Variants in PHLDB2 observed in about 807,000 individuals in gnomAD.
The protein encoded by PHLDB2 is pleckstrin homology like domain family B member 2.
In PHLDB2, 71 loss-of-function variants were observed where a neutral mutation model predicts 123.6. The ratio of observed to expected loss-of-function variants is 0.57; its 90% CI spans 0.47 to 0.70. PHLDB2 has a LOEUF of 0.70. PHLDB2 is among the 30% of genes least tolerant of loss of function. The probability of loss-of-function intolerance (pLI) is 0.00; values close to 1 mark genes in which losing one functional copy is unlikely to be tolerated. For missense variants in PHLDB2, 1,446 were observed against 1,519.5 expected, an observed-to-expected ratio of 0.95 and a Z score of 0.80; for synonymous variants, 547 against 541.6, an observed-to-expected ratio of 1.01 and a Z score of -0.14.
At chr3:111,795,625 C>T (rs150700775) in intron 1 of PHLDB2, among the ~76,000 whole-genome samples, 36 of 152,374 alleles carry the variant, frequency 2.4e-4, no homozygotes, top group African/African-American at 8.4e-4. Flanking sequence ...TTCCCACCCA[C>T]ACTGCCTCCT....
At chr3:111,945,540 T>A (rs1577156237) in intron 9 of PHLDB2, 183 bp downstream of exon 9, 4 of 618,616 alleles carry the variant, frequency 6.5e-6, no homozygotes, top group Non-Finnish European at 5.7e-6. Context: ...ATTATCCTTG[T>A]GTCTAATGCA....
intron 1 of PHLDB2, among the ~76,000 whole-genome samples, chr3:111,870,728 T>G (rs989481700): frequency 2.6e-5 from 4 of 152,178 alleles, no homozygotes; most frequent in Admixed American, 2.6e-4. Flanking sequence ...CTGTAAAGAA[T>G]GGCACTGCTT....
intron 1 of PHLDB2, among the ~76,000 whole-genome samples, chr3:111,821,268 G>A (rs906476637): frequency 1.4e-4 from 21 of 152,210 alleles, no homozygotes; most frequent in South Asian, 2.1e-4. Flanking sequence ...AAGACACTGC[G>A]CCAGAGAGCC....
chr3:111,846,485 T>C (rs894676282), intron 2 of PHLDB2: 2 of 152,808 alleles, frequency 1.3e-5, no homozygotes, highest in African/African-American at 4.8e-5. Flanking sequence ...CCTCAGATGA[T>C]CAAGTAACCA....
chr3:111,844,480 AT>A (rs2063850290), intron 1 of PHLDB2, among the ~76,000 whole-genome samples: 1 of 152,162 alleles, frequency 6.6e-6, no homozygotes, highest in African/African-American at 2.4e-5. Flanking sequence ...ACCTTCTAGA[AT>A]CAATAAATCA....
At chr3:111,926,149 G>A (rs929619335) in intron 5 of PHLDB2, among the ~76,000 whole-genome samples, 1 of 152,302 alleles carries the variant, frequency 6.6e-6, no homozygotes, top group East Asian at 1.9e-4. Flanking sequence ...TTGAACTGAA[G>A]CTTAAATCAT....
chr3:111,761,780 C>A (rs781749741), intron 1 of PHLDB2, among the ~76,000 whole-genome samples: 1 of 152,118 alleles, frequency 6.6e-6, no homozygotes, highest in African/African-American at 2.4e-5. Context: ...CCATAAGACC[C>A]ACTGCTTTAG....
intron 10 of PHLDB2, chr3:111,949,747 T>C: frequency 1.0e-6 from 1 of 985,870 alleles, no homozygotes; most frequent in Middle Eastern, 5.2e-4. Context: ...TTCCGCTCTT[T>C]CTCCTCATCC....
chr3:111,769,855 G>A (rs2108043339), intron 1 of PHLDB2, among the ~76,000 whole-genome samples: 1 of 152,268 alleles, frequency 6.6e-6, no homozygotes, highest in Non-Finnish European at 1.5e-5. Flanking sequence ...AAACACATAT[G>A]TTTAAGACAG....
chr3:111,801,771 A>G (rs2061387087), intron 1 of PHLDB2, among the ~76,000 whole-genome samples: 2 of 152,226 alleles, frequency 1.3e-5, no homozygotes, highest in South Asian at 2.1e-4. Flanking sequence ...TTACATTTAT[A>G]TGAAATGTGT....
Position 111,969,760 on chromosome 3 carries a change from C to T in PHLDB2, c.3386C>T (p.Ala1129Val). Residue 1129 changes from alanine to valine, a missense_variant, in exon 16 of 18, where the codon GCT (alanine) becomes GTT (valine). This residue lies in a region of PHLDB2 where 594 missense variants were observed against 646.0 expected (regional missense o/e 0.92). Transcript: ENST00000431670. ...DFDLRSHVET[A>V]GHNIDTCYHV... is the part of the protein sequence containing the mutation. ...GATTTGCGGAGCCATGTAGAGACTG[C>T]TGGCCACAATATTGACACCTGTTAC... 1 of 1,614,064 alleles carries T rather than the reference C, an allele frequency of 6.2e-7. No individual in the cohort carries two copies. The highest frequency in any genetic ancestry group is 8.5e-7 in the Non-Finnish European group (1 of 1,179,912).
At chr3:111,861,154 A>G (rs1262668586) in intron 1 of PHLDB2, among the ~76,000 whole-genome samples, 1 of 152,112 alleles carries the variant, frequency 6.6e-6, no homozygotes, top group African/African-American at 2.4e-5. Flanking sequence ...GGATAAATAA[A>G]CCGTTAGAGT....
intron 1 of PHLDB2, among the ~76,000 whole-genome samples, chr3:111,872,985 G>A (rs2065419134): frequency 6.6e-6 from 1 of 152,110 alleles, no homozygotes; most frequent in Non-Finnish European, 1.5e-5. Context: ...GGACCAATAA[G>A]CTTGAACTAA....
chr3:111,967,900 CTG>C, intron 15 of PHLDB2, 76 bp downstream of exon 15: 2 of 1,307,506 alleles, frequency 1.5e-6, no homozygotes, highest in Non-Finnish European at 2.0e-6. Context: ...TGTTCTGTGT[CTG>C]AGGATGCTTT....
At chr3:111,853,018 G>A (rs1257453402) in intron 2 of PHLDB2, among the ~76,000 whole-genome samples, 1 of 151,980 alleles carries the variant, frequency 6.6e-6, no homozygotes, top group African/African-American at 2.4e-5. Context: ...TATGCCCCTA[G>A]GAGGTTAAAA....
At chr3:111,949,654 C>T in intron 10 of PHLDB2, 1 of 890,596 alleles carries the variant, frequency 1.1e-6, no homozygotes, top group Non-Finnish European at 1.3e-6. Flanking sequence ...ATGTCTTATT[C>T]TTTCATTTCA....
At chr3:111,776,919 C>T (rs1357449272) in intron 1 of PHLDB2, among the ~76,000 whole-genome samples, 1 of 152,072 alleles carries the variant, frequency 6.6e-6, no homozygotes, top group African/African-American at 2.4e-5. Flanking sequence ...AAAATAGATT[C>T]TTATCTCTAA....
intron 1 of PHLDB2, among the ~76,000 whole-genome samples, chr3:111,789,056 A>G (rs1469628045): frequency 1.3e-5 from 2 of 152,222 alleles, no homozygotes; most frequent in Admixed American, 1.3e-4. Context: ...GTGAGAAAGG[A>G]ATGCCAGGTT....
intron 1 of PHLDB2, among the ~76,000 whole-genome samples, chr3:111,756,594 CTT>C (rs1455531423): frequency 6.6e-6 from 1 of 152,152 alleles, no homozygotes; most frequent in Non-Finnish European, 1.5e-5. Context: ...GGTCTTGACT[CTT>C]TATCCAATTT....
Sources: allele counts gnomAD v4.1 joint callset (sites outside exome capture counted in the v4.1 genomes callset), GRCh38; gene constraint gnomAD v4.1.1; regional missense constraint gnomAD v4.1.1; transcripts MANE v1.5; gene names NCBI Gene and HGNC (gene_info 2026-07-23, HGNC 2026-07-21).